The following PDE3A variants were observed in gnomAD, a reference collection of about 807,000 sequenced individuals.
The protein encoded by PDE3A is cGMP-inhibited 3',5'-cyclic phosphodiesterase 3A.
A neutral mutation model predicts 98.3 loss-of-function variants in PDE3A; 43 were observed. That is an observed-to-expected ratio of 0.44 (90% CI 0.34 to 0.56). The LOEUF is 0.56. Ranked by LOEUF, PDE3A falls within the 20% of genes least tolerant of loss-of-function variation. The pLI is 0.01. For synonymous variants in PDE3A, 663 were observed against 567.9 expected, an observed-to-expected ratio of 1.17 and a Z score of -2.38; for missense variants, 1,427 against 1,440.7, an observed-to-expected ratio of 0.99 and a Z score of 0.15.
intron 15 of PDE3A, among the ~76,000 whole-genome samples, chr12:20,678,459 G>T (rs1054242191): frequency 2.6e-5 from 4 of 152,258 alleles, no homozygotes; most frequent in African/African-American, 9.6e-5. Flanking sequence ...GTTTCTTAAA[G>T]GAGGTATGCT....
At chr12:20,656,552 T>C (rs1045607872) in intron 15 of PDE3A, among the ~76,000 whole-genome samples, 1 of 152,268 alleles carries the variant, frequency 6.6e-6, no homozygotes, top group African/African-American at 2.4e-5. Context: ...AAATTTGTAC[T>C]AATCTTGAGA....
chr12:20,669,973 C>T (rs1945427620), intron 15 of PDE3A, among the ~76,000 whole-genome samples: 1 of 151,850 alleles, frequency 6.6e-6, no homozygotes, highest in Non-Finnish European at 1.5e-5. Flanking sequence ...TGCAGACACA[C>T]ATAGGCTCAA....
At chr12:20,652,014 C>T (rs1036583095) in intron 14 of PDE3A, among the ~76,000 whole-genome samples, 33 of 151,180 alleles carry the variant, frequency 2.2e-4, no homozygotes, top group East Asian at 9.8e-4. Flanking sequence ...TGAGAACATG[C>T]GGTGTTTGGT....
intron 1 of PDE3A, among the ~76,000 whole-genome samples, chr12:20,380,419 T>C (rs1943643227): frequency 1.3e-5 from 2 of 151,882 alleles, no homozygotes; most frequent in Admixed American, 1.3e-4. Flanking sequence ...TAAATTTAGC[T>C]TTTCAGTCAT....
At chr12:20,665,306 G>C (rs1945282043) in intron 15 of PDE3A, among the ~76,000 whole-genome samples, 1 of 152,192 alleles carries the variant, frequency 6.6e-6, no homozygotes, top group African/African-American at 2.4e-5. Context: ...AACCTCAATA[G>C]TGAATGCTGA....
At chr12:20,457,146 T>G (rs989434628) in intron 1 of PDE3A, among the ~76,000 whole-genome samples, 1 of 152,048 alleles carries the variant, frequency 6.6e-6, no homozygotes, top group African/African-American at 2.4e-5. Context: ...AGCAAGGACA[T>G]TGGCAAAGGA....
intron 2 of PDE3A, among the ~76,000 whole-genome samples, chr12:20,612,615 T>C: frequency 6.9e-6 from 1 of 144,394 alleles, no homozygotes; most frequent in African/African-American, 2.5e-5. Context: ...TATAAGTAAC[T>C]ATATATAAGT....
At chr12:20,577,609 A>G (rs1196964250) in intron 2 of PDE3A, among the ~76,000 whole-genome samples, 2 of 152,144 alleles carry the variant, frequency 1.3e-5, no homozygotes, top group Non-Finnish European at 2.9e-5. Flanking sequence ...GTAATCTTGG[A>G]CCAGTCAAAT....
At chr12:20,431,280 A>G (rs1316562869) in intron 1 of PDE3A, among the ~76,000 whole-genome samples, 4 of 152,210 alleles carry the variant, frequency 2.6e-5, no homozygotes, top group Admixed American at 6.5e-5. Flanking sequence ...TTAATTTCTG[A>G]AAAGTTTCTC....
At chr12:20,389,008 TAG>T (rs770726877) in intron 1 of PDE3A, among the ~76,000 whole-genome samples, 3 of 151,922 alleles carry the variant, frequency 2.0e-5, no homozygotes, top group Non-Finnish European at 2.9e-5. Context: ...CTGAGAAAAA[TAG>T]AGAGTGTGCT....
At chr12:20,613,903 A>C (rs990078829) in intron 3 of PDE3A, among the ~76,000 whole-genome samples, 1 of 152,134 alleles carries the variant, frequency 6.6e-6, no homozygotes, top group African/African-American at 2.4e-5. Flanking sequence ...TACATAGAAA[A>C]TTTATCTTTT....
At chr12:20,534,310 G>C (rs207472717) in intron 1 of PDE3A, among the ~76,000 whole-genome samples, 2 of 152,098 alleles carry the variant, frequency 1.3e-5, no homozygotes, top group African/African-American at 4.8e-5. Flanking sequence ...GTTAATATAC[G>C]CAATATGGAT....
intron 2 of PDE3A, among the ~76,000 whole-genome samples, chr12:20,599,185 T>C (rs1375093407): frequency 6.6e-6 from 1 of 152,218 alleles, no homozygotes; most frequent in Non-Finnish European, 1.5e-5. Flanking sequence ...CCCCACGTGC[T>C]GCCTTCATGC....
At chr12:20,461,923 C>G (rs374777568) in intron 1 of PDE3A, among the ~76,000 whole-genome samples, 113 of 152,052 alleles carry the variant, frequency 7.4e-4, no homozygotes, top group African/African-American at 2.5e-3. Context: ...TTAAAAATAT[C>G]AATTAGAATG....
chr12:20,548,442 C>T (rs971932407), intron 1 of PDE3A, among the ~76,000 whole-genome samples: 3 of 151,622 alleles, frequency 2.0e-5, no homozygotes, highest in African/African-American at 7.3e-5. Flanking sequence ...GAGAGACAAA[C>T]ATTTTTTTTC....
Position 20,683,842 on chromosome 12 carries a change from G to A in PDE3A, c.*3571G>A, listed in dbSNP as rs1030068679. 7.9e-5 allele frequency: 12 copies of A among 152,100 alleles called. No individual in the cohort carries two copies. The highest frequency in any genetic ancestry group is 2.2e-4 in the African/African-American group (9 of 41,530). The allele number at this position is 152,100 out of a possible 1,614,324, so 9.4% of individuals were successfully genotyped here. Reference sequence around the variant, plus strand: ...GTTGAATACCAGAACAAATCTTTCCGTTGCAATCCCAGTAAAACGAAAGAA... The same window carrying A: ...GTTGAATACCAGAACAAATCTTTCCATTGCAATCCCAGTAAAACGAAAGAA... On this transcript the variant is annotated 3_prime_UTR_variant, in exon 16 of 16. Transcript: ENST00000359062.
chr12:20,555,791 A>G (rs1942355132), intron 1 of PDE3A, among the ~76,000 whole-genome samples: 1 of 152,180 alleles, frequency 6.6e-6, no homozygotes, highest in Non-Finnish European at 1.5e-5. Flanking sequence ...TTTCTTGATA[A>G]TATTCAAAGG....
intron 2 of PDE3A, among the ~76,000 whole-genome samples, chr12:20,610,199 TA>T (rs1467362027): frequency 6.6e-6 from 1 of 151,718 alleles, no homozygotes; most frequent in Admixed American, 6.6e-5. Flanking sequence ...TATAACACAA[TA>T]GGGGAAAAAT....
At chr12:20,510,316 G>T (rs1946197308) in intron 1 of PDE3A, among the ~76,000 whole-genome samples, 1 of 151,850 alleles carries the variant, frequency 6.6e-6, no homozygotes, top group South Asian at 2.1e-4. Flanking sequence ...TTTTCTGTTG[G>T]TATGTAATAT....
Sources: allele counts gnomAD v4.1 joint callset (sites outside exome capture counted in the v4.1 genomes callset), GRCh38; gene constraint gnomAD v4.1.1; transcripts MANE v1.5; gene names NCBI Gene and HGNC (gene_info 2026-07-23, HGNC 2026-07-21).